SLC25A13: variants seen among roughly 807,000 people sequenced by gnomAD.
The protein encoded by SLC25A13 is solute carrier family 25 member 13.
SLC25A13 carries 70 observed loss-of-function variants against 85.5 expected under a neutral mutation model. The ratio of observed to expected loss-of-function variants is 0.82; its 90% CI spans 0.68 to 1.00. The LOEUF (loss-of-function observed/expected upper bound fraction) is 1.00, where lower values mean the gene tolerates loss of function less well. Among genes scored for constraint, SLC25A13 ranks in the 50% least tolerant of loss-of-function variants. The pLI is 0.00. For missense variants in SLC25A13, 765 were observed against 819.8 expected, an observed-to-expected ratio of 0.93 and a Z score of 0.82; for synonymous variants, 259 against 288.7, an observed-to-expected ratio of 0.90 and a Z score of 1.04.
In SLC25A13 at chr7:96,184,620, C is replaced by T. The variant is rs1436909835; in HGVS notation, c.1019-185G>A. 8 of 662,472 alleles carry T rather than the reference C, an allele frequency of 1.2e-5. No individual in the cohort carries two copies. The East Asian group carries it at 1.6e-4, about 13-fold the overall frequency. 41.0% of individuals were successfully genotyped at this position (662,472 alleles called of 1,614,324 possible). ...AATTGAGGGTTTTCATTCAAGTATC[C>T]CCTAATAAAAGGATGTCATAGATAT... On this transcript the variant is annotated intron_variant, in intron 10 of 17. Transcript: ENST00000265631.
chr7:96,238,670 G>A (rs1796836927), intron 3 of SLC25A13, among the ~76,000 whole-genome samples: 1 of 152,058 alleles, frequency 6.6e-6, no homozygotes, highest in African/African-American at 2.4e-5. Context: ...AGACAAATGT[G>A]TTTCTGGCCC....
At chr7:96,257,252 C>CA (rs1180636678) in intron 3 of SLC25A13, among the ~76,000 whole-genome samples, 4 of 151,384 alleles carry the variant, frequency 2.6e-5, no homozygotes, top group Non-Finnish European at 2.9e-5. Context: ...AAATACCCTT[C>CA]AAAAAAAATC....
chr7:96,142,668 C>G (rs533211313), intron 14 of SLC25A13, among the ~76,000 whole-genome samples: 1 of 152,112 alleles, frequency 6.6e-6, no homozygotes, highest in South Asian at 2.1e-4. Flanking sequence ...AGTGGCTATC[C>G]TTTGAAGAGA....
intron 9 of SLC25A13, among the ~76,000 whole-genome samples, chr7:96,186,881 A>G (rs1794663767): frequency 6.6e-6 from 1 of 152,176 alleles, no homozygotes; most frequent in Non-Finnish European, 1.5e-5. Context: ...TTACATATAT[A>G]TGCATATAAA....
chr7:96,322,027 C>G lies in SLC25A13; in HGVS notation c.-71G>C, dbSNP rs1226745985. Reference sequence around the variant, plus strand: ...GCTGGCGTTTGGGACCCGGGCGGCTCACTTCTAGTCCCGGCGGCGGCGGCG... The same window carrying G: ...GCTGGCGTTTGGGACCCGGGCGGCTGACTTCTAGTCCCGGCGGCGGCGGCG... On this transcript the variant is annotated 5_prime_UTR_variant, in exon 1 of 18. Transcript: ENST00000265631. 16 of 1,524,830 alleles carry G rather than the reference C, an allele frequency of 1.0e-5. No individual in the cohort carries two copies. Among genetic ancestry groups the G allele is most frequent in the Non-Finnish European group, 1.3e-5 (15 of 1,135,396 alleles). 94.5% of individuals were successfully genotyped at this position (1,524,830 alleles called of 1,614,324 possible).
chr7:96,252,708 T>C (rs1169595505), intron 3 of SLC25A13, among the ~76,000 whole-genome samples: 2 of 152,118 alleles, frequency 1.3e-5, no homozygotes, highest in East Asian at 1.9e-4. Context: ...TGAGAACTAA[T>C]ATTATCATTG....
At chr7:96,307,149 A>AT (rs1359430199) in intron 1 of SLC25A13, among the ~76,000 whole-genome samples, 1 of 151,568 alleles carries the variant, frequency 6.6e-6, no homozygotes, top group Admixed American at 6.6e-5. Flanking sequence ...TTAAAAAAAA[A>AT]AATAAAGAAA....
At position 96,208,868 on chromosome 7, in the gene SLC25A13, C is replaced by A. The variant is rs140121008; in HGVS notation, c.438G>T (p.Leu146=). 11 of 1,614,070 alleles carry A rather than the reference C, an allele frequency of 6.8e-6. No individual in the cohort carries two copies. Among genetic ancestry groups the A allele is most frequent in the Non-Finnish European group, 8.5e-6 (10 of 1,180,020 alleles). The change falls in exon 5 of 18, where the codon CTG becomes CTT. Residue 146 remains leucine, a synonymous_variant. Transcript: ENST00000265631. Reference sequence around the variant, plus strand: ...AAAACTGAGTAAATTCCGCATATGTCAGGTGTCTTTTTCTTTCTTTTCCAA... The same window carrying A: ...AAAACTGAGTAAATTCCGCATATGTAAGGTGTCTTTTTCTTTCTTTTCCAA... ...LHFGKERKRH[L]TYAEFTQFLL... is the part of the protein sequence containing the mutation.
intron 3 of SLC25A13, among the ~76,000 whole-genome samples, chr7:96,257,278 T>C (rs1797675111): frequency 6.6e-6 from 1 of 152,098 alleles, no homozygotes; most frequent in African/African-American, 2.4e-5. Context: ...ATCCAGGAGC[T>C]GGTTTTTTGA....
chr7:96,160,553 C>G (rs1350876483), intron 13 of SLC25A13, among the ~76,000 whole-genome samples: 3 of 152,206 alleles, frequency 2.0e-5, no homozygotes, highest in African/African-American at 4.8e-5. Context: ...CAGATGCTGT[C>G]TTCTCACTGT....
chr7:96,129,320 TA>T (rs1479573408), intron 15 of SLC25A13, among the ~76,000 whole-genome samples: 1 of 152,312 alleles, frequency 6.6e-6, no homozygotes. Context: ...AAGGCATTTA[TA>T]AAGACAACAG....
chr7:96,267,872 G>A (rs1336782443), intron 3 of SLC25A13, among the ~76,000 whole-genome samples: 1 of 151,938 alleles, frequency 6.6e-6, no homozygotes, highest in Admixed American at 6.6e-5. Context: ...GCAGGGGGCT[G>A]ACAAGGCGGT....
intron 11 of SLC25A13, among the ~76,000 whole-genome samples, chr7:96,183,295 TG>T (rs971809300): frequency 2.0e-5 from 3 of 152,212 alleles, no homozygotes; most frequent in African/African-American, 7.2e-5. Flanking sequence ...TTATCCTTTT[TG>T]TTTTTTTTAA....
intron 4 of SLC25A13, among the ~76,000 whole-genome samples, chr7:96,215,674 G>A (rs555219840): frequency 4.6e-5 from 7 of 151,862 alleles, no homozygotes; most frequent in Admixed American, 6.6e-5. Context: ...ACTTAAAACC[G>A]TGAATAGTTT....
intron 7 of SLC25A13, among the ~76,000 whole-genome samples, chr7:96,190,082 ATTTTTTT>A (rs765043025): frequency 4.5e-5 from 6 of 132,196 alleles, no homozygotes; most frequent in African/African-American, 1.7e-4. Flanking sequence ...GGGAATTCTG[ATTTTTTT>A]TTTTTTTTTT....
chr7:96,194,442 C>CAAAAAAAAAAAAAAAAAAAAAA (rs546248549), intron 5 of SLC25A13, among the ~76,000 whole-genome samples: 2 of 27,694 alleles, frequency 7.2e-5, no homozygotes, highest in African/African-American at 1.1e-4. Flanking sequence ...AACCTTGTCT[C>CAAAAAAAAAAAAAAAAAAAAAA]AAAAAAAAAA....
At chr7:96,317,228 A>G (rs901322099) in intron 1 of SLC25A13, among the ~76,000 whole-genome samples, 29 of 152,210 alleles carry the variant, frequency 1.9e-4, no homozygotes, top group African/African-American at 4.3e-4. Context: ...CGGCCTCCCA[A>G]GGTGCTGGGA....
rs527768026 is a variant in SLC25A13 at position 96,245,476 on chromosome 7, C to T, written c.213-10559G>A. 1.5e-4 allele frequency among the ~76,000 whole-genome samples: 23 copies of T among 152,296 alleles called. 1 individual carries two copies. Among genetic ancestry groups the T allele is most frequent in the Admixed American group, 1.1e-3 (17 of 15,292 alleles). On this transcript the variant is annotated intron_variant, in intron 3 of 17. Coordinates refer to ENST00000265631, the MANE Select transcript of SLC25A13 (RefSeq NM_014251.3). ...TTTAAAACTAGAGACAAATCATATTCACCATCTCCACAATTCTTTAGATAA... is the reference window on the plus strand; with the variant it reads ...TTTAAAACTAGAGACAAATCATATTTACCATCTCCACAATTCTTTAGATAA...
intron 11 of SLC25A13, among the ~76,000 whole-genome samples, chr7:96,181,309 A>G (rs952714054): frequency 1.4e-4 from 22 of 152,232 alleles, no homozygotes; most frequent in Admixed American, 5.9e-4. Context: ...TCTCTGAGGT[A>G]TATTTCTATT....
Sources: allele counts gnomAD v4.1 joint callset (sites outside exome capture counted in the v4.1 genomes callset), GRCh38; gene constraint gnomAD v4.1.1; transcripts MANE v1.5; gene names NCBI Gene and HGNC (gene_info 2026-07-23, HGNC 2026-07-21).